ADAMTSL1: variants seen among roughly 807,000 people sequenced by gnomAD.
The protein encoded by ADAMTSL1 is ADAMTS-like protein 1.
ADAMTSL1 carries 126 observed loss-of-function variants against 201.8 expected under a neutral mutation model. The ratio of observed to expected loss-of-function variants is 0.62; its 90% CI spans 0.54 to 0.72. The LOEUF is 0.72. Ranked by LOEUF, ADAMTSL1 falls within the 30% of genes least tolerant of loss-of-function variation. The probability of loss-of-function intolerance (pLI) is 0.00; values close to 1 mark genes in which losing one functional copy is unlikely to be tolerated. For synonymous variants in ADAMTSL1, 1,121 were observed against 903.4 expected (o/e 1.24, Z -4.32); for missense variants, 2,679 against 2,277.8 (o/e 1.18, Z -3.59).
chr9:17,975,934 A>C (rs534953966), intron 1 of ADAMTSL1, among the ~76,000 whole-genome samples: 4 of 152,008 alleles, frequency 2.6e-5, no homozygotes, highest in Non-Finnish European at 4.4e-5. Flanking sequence ...ATTCTTTTGC[A>C]TGTGGATATC....
intron 2 of ADAMTSL1, among the ~76,000 whole-genome samples, chr9:18,262,477 C>A (rs1367512783): frequency 1.3e-5 from 2 of 152,174 alleles, no homozygotes; most frequent in Non-Finnish European, 2.9e-5. Context: ...CCAAAGAAAG[C>A]ATATCGTATA....
intron 1 of ADAMTSL1, among the ~76,000 whole-genome samples, chr9:18,099,355 A>ATATATATATATATATATATTTTT (rs1239180390): frequency 2.2e-4 from 10 of 45,530 alleles, no homozygotes; most frequent in South Asian, 8.2e-4. Context: ...ATATATATAT[A>ATATATATATATATATATATTTTT]TTTTTTTTTT....
chr9:18,204,179 C>T (rs982530875), intron 2 of ADAMTSL1, among the ~76,000 whole-genome samples: 4 of 152,086 alleles, frequency 2.6e-5, no homozygotes, highest in African/African-American at 9.7e-5. Context: ...TTTGTGTCCC[C>T]ATCCAAATCT....
chr9:17,927,155 A>G (rs7847249), intron 1 of ADAMTSL1, among the ~76,000 whole-genome samples: 149,669 of 152,300 alleles, frequency 0.98, 73,551 homozygotes, highest in East Asian at 1. Context: ...ATCACACAGT[A>G]TTTGGTTTTA....
At chr9:18,859,108 A>G (rs1827045382) in intron 23 of ADAMTSL1, among the ~76,000 whole-genome samples, 1 of 152,270 alleles carries the variant, frequency 6.6e-6, no homozygotes, top group Non-Finnish European at 1.5e-5. Context: ...GCTGTAACAA[A>G]TTACCATAGA....
rs1481754124 is a variant in ADAMTSL1 at position 18,908,748 on chromosome 9, A to G, written c.*200A>G. 1 of 532,154 alleles carries G rather than the reference A, an allele frequency of 1.9e-6. No individual in the cohort carries two copies. The highest frequency in any genetic ancestry group is 1.9e-5 in the African/African-American group (1 of 51,934). 33.0% of individuals were successfully genotyped at this position (532,154 alleles called of 1,614,324 possible). A position where few individuals can be genotyped will look rare whatever the true frequency, so the allele number is the denominator to read the frequency against. ...CTCTTTCAGTTAGCTGGAGGACAGG[A>G]TGTTGGGAAAGGAAAGGACAGATGT... is the stretch of plus-strand genomic sequence containing the variant. On this transcript the variant is annotated 3_prime_UTR_variant, in exon 29 of 29. Transcript: ENST00000380548.
chr9:17,919,442 T>G (rs1826222015), intron 1 of ADAMTSL1, among the ~76,000 whole-genome samples: 1 of 151,996 alleles, frequency 6.6e-6, no homozygotes, highest in African/African-American at 2.4e-5. Context: ...TTTTTGTGAA[T>G]TCAAAAAGAA....
intron 3 of ADAMTSL1, among the ~76,000 whole-genome samples, chr9:18,556,635 C>G (rs961643977): frequency 1.3e-5 from 2 of 151,944 alleles, no homozygotes; most frequent in East Asian, 1.9e-4. Flanking sequence ...ACACATTTCT[C>G]TATTTTTTAA....
At chr9:18,494,674 C>T (rs927931619) in intron 1 of ADAMTSL1, among the ~76,000 whole-genome samples, 3 of 152,158 alleles carry the variant, frequency 2.0e-5, no homozygotes, top group African/African-American at 7.2e-5. Flanking sequence ...GTCTTGTATG[C>T]TATGCTAATA....
At chr9:18,738,477 A>G (rs139255460) in intron 15 of ADAMTSL1, among the ~76,000 whole-genome samples, 44 of 152,342 alleles carry the variant, frequency 2.9e-4, no homozygotes, top group African/African-American at 8.2e-4. Flanking sequence ...AATTTAGTAT[A>G]AAGGAATGAA....
intron 1 of ADAMTSL1, among the ~76,000 whole-genome samples, chr9:18,017,152 G>C (rs925655210): frequency 2.6e-4 from 39 of 152,006 alleles, no homozygotes; most frequent in African/African-American, 9.2e-4. Context: ...ACTATAGCAA[G>C]TTATAGTTTA....
chr9:18,241,845 T>C (rs1014093859), intron 2 of ADAMTSL1, among the ~76,000 whole-genome samples: 1 of 151,894 alleles, frequency 6.6e-6, no homozygotes. Context: ...CCTGAACAGA[T>C]CAATAACATA....
intron 1 of ADAMTSL1, among the ~76,000 whole-genome samples, chr9:18,079,682 A>AAAATAAATAAAT (rs200603951): frequency 7.8e-5 from 11 of 141,700 alleles, no homozygotes; most frequent in East Asian, 4.0e-4. Context: ...ACTCTGTCTC[A>AAAATAAATAAAT]AAATAAATAA....
chr9:18,059,380 C>T (rs1053166078), intron 1 of ADAMTSL1, among the ~76,000 whole-genome samples: 2 of 152,030 alleles, frequency 1.3e-5, no homozygotes, highest in African/African-American at 4.8e-5. Context: ...TTGATAATTT[C>T]ATGTCATGTA....
chr9:18,822,278 C>T (rs567009097), intron 21 of ADAMTSL1, among the ~76,000 whole-genome samples: 39 of 152,270 alleles, frequency 2.6e-4, no homozygotes, highest in African/African-American at 7.7e-4. Context: ...CTCCCGCAAC[C>T]TGACCAAGCT....
intron 1 of ADAMTSL1, among the ~76,000 whole-genome samples, chr9:18,490,276 A>G (rs557183049): frequency 6.6e-6 from 1 of 152,256 alleles, no homozygotes; most frequent in Admixed American, 6.5e-5. Context: ...CAGGGGGAAC[A>G]GAAGGAAGCT....
At chr9:18,109,934 A>T (rs748155260) in intron 1 of ADAMTSL1, among the ~76,000 whole-genome samples, 46 of 152,112 alleles carry the variant, frequency 3.0e-4, no homozygotes, top group Non-Finnish European at 4.9e-4. Context: ...ATCACTTTTC[A>T]CTGTTGTGTG....
chr9:18,532,379 C>G (rs892027746), intron 2 of ADAMTSL1, among the ~76,000 whole-genome samples: 2 of 152,110 alleles, frequency 1.3e-5, no homozygotes, highest in African/African-American at 4.8e-5. Context: ...TCAAAAAACA[C>G]AGTCAGAAAC....
chr9:18,461,483 CTTATA>C (rs918718977), intron 2 of ADAMTSL1, among the ~76,000 whole-genome samples: 4 of 152,012 alleles, frequency 2.6e-5, no homozygotes, highest in African/African-American at 4.8e-5. Flanking sequence ...TATTATGGTT[CTTATA>C]TTATGGTTGA....
Sources: allele counts gnomAD v4.1 joint callset (sites outside exome capture counted in the v4.1 genomes callset), GRCh38; gene constraint gnomAD v4.1.1; transcripts MANE v1.5; gene names NCBI Gene and HGNC (gene_info 2026-07-23, HGNC 2026-07-21).